The following BRF1 variants were observed in gnomAD, a reference collection of about 807,000 sequenced individuals.
BRF1 encodes the protein transcription factor IIIB 90 kDa subunit.
In BRF1, 59 loss-of-function variants were observed where a neutral mutation model predicts 81.7. The observed-to-expected ratio is 0.72, with a 90% CI of 0.59 to 0.90. BRF1 has a LOEUF of 0.90. Among genes scored for constraint, BRF1 ranks in the 40% least tolerant of loss-of-function variants. BRF1 has a pLI of 0.00. For synonymous variants in BRF1, 491 were observed against 395.6 expected (o/e 1.24, Z -2.86); for missense variants, 1,050 against 936.3 (o/e 1.12, Z -1.58).
chr14:105,249,121 C>G (rs747801688), intron 5 of BRF1: 180 of 1,510,856 alleles, frequency 1.2e-4, no homozygotes, highest in African/African-American at 2.9e-5. Flanking sequence ...CGCCCGCGCG[C>G]GCCCACGCCC....
intron 1 of BRF1, among the ~76,000 whole-genome samples, chr14:105,287,768 T>G (rs1308443190): frequency 6.6e-6 from 1 of 152,112 alleles, no homozygotes; most frequent in African/African-American, 2.4e-5. Context: ...CTTTAAAGAC[T>G]CCAGTAAAAT....
intron 5 of BRF1, chr14:105,250,674 G>T: frequency 6.2e-7 from 1 of 1,602,486 alleles, no homozygotes; most frequent in Non-Finnish European, 8.5e-7. Flanking sequence ...TATGCCTGAG[G>T]TGCCCGGGGA....
chr14:105,301,124 G>C (rs2058003216), upstream of BRF1: 1 of 152,626 alleles, frequency 6.6e-6, no homozygotes, highest in African/African-American at 2.4e-5. Context: ...TGCAGCCGGG[G>C]ACGGGACCCA....
At position 105,269,904 on chromosome 14, in the gene BRF1, T is replaced by C. The variant is rs1398768822; in HGVS notation, c.439+2817A>G. Among the ~76,000 whole-genome samples, 1 of 152,196 alleles carries C rather than the reference T, an allele frequency of 6.6e-6. No homozygotes were observed. Among genetic ancestry groups the C allele is most frequent in the Non-Finnish European group, 1.5e-5 (1 of 68,020 alleles). On this transcript the variant is annotated intron_variant, in intron 3 of 17. Coordinates refer to ENST00000547530, the MANE Select transcript of BRF1 (RefSeq NM_001519.4). This position sits in a 1 kb window ranked among gnomAD's most constrained non-coding sequence, Gnocchi z 5.0. ...TACAAACACAAGGGAGGCAGGGCCA[T>C]GGGCTGACCCTGGGCTCTGCTCAGC...
Position 105,288,176 on chromosome 14 carries a change from C to T in BRF1, c.185-1800G>A, listed in dbSNP as rs587700800. ...GGCTTTCAAGAAGCTGTAGAAGGTC[C>T]GGGCGCGGTGGCTCACGCTTGTAAT... On this transcript the variant is annotated intron_variant, in intron 1 of 17. Transcript: ENST00000547530. Among the ~76,000 whole-genome samples the T allele has an allele frequency of 5.1e-4, 78 of 152,300 alleles. No homozygotes were observed. The South Asian group carries it at 0.01, about 20-fold the overall frequency.
In BRF1 at chr14:105,284,292, T is replaced by A. The variant is rs185949882; in HGVS notation, c.265+2004A>T. Among the ~76,000 whole-genome samples the A allele has an allele frequency of 1.3e-5, 2 of 151,906 alleles. No homozygotes were observed. Among genetic ancestry groups the A allele is most frequent in the Admixed American group, 1.3e-4 (2 of 15,270 alleles). On this transcript the variant is annotated intron_variant, in intron 2 of 17. Coordinates refer to ENST00000547530, the MANE Select transcript of BRF1 (RefSeq NM_001519.4). This position sits in a 1 kb window ranked among gnomAD's most constrained non-coding sequence, Gnocchi z 4.0. ...GGAAGAAAGGCGCTGACTATACTCC[T>A]CTACTAGTAAGTCCACAGCAGGACA...
chr14:105,282,159 G>T (rs2057133506), intron 2 of BRF1, among the ~76,000 whole-genome samples: 1 of 152,186 alleles, frequency 6.6e-6, no homozygotes, highest in Non-Finnish European at 1.5e-5. Flanking sequence ...ATTCCATGGG[G>T]TGCCTGTCTC....
chr14:105,246,657 A>C (rs922824817), intron 5 of BRF1, among the ~76,000 whole-genome samples: 8 of 147,856 alleles, frequency 5.4e-5, no homozygotes. Context: ...GGGTTTCACC[A>C]TGTTGGCCAG....
rs1244917417 is a variant in BRF1, at chr14:105,226,222, A to G, written c.955+29T>C. ...AAATCAATTTTCCCAACAAAACAGA[A>G]GCATTACATGGGAAGATTGGTTGGT... On this transcript the variant is annotated intron_variant, in intron 9 of 17. Transcript: ENST00000547530. 10 of 1,614,060 alleles carry G rather than the reference A, an allele frequency of 6.2e-6. No individual in the cohort carries two copies. In the East Asian group the frequency reaches 1.6e-4, roughly 25 times the overall value.
At chr14:105,259,509 G>C (rs994974325) in intron 3 of BRF1, among the ~76,000 whole-genome samples, 1 of 152,208 alleles carries the variant, frequency 6.6e-6, no homozygotes, top group Non-Finnish European at 1.5e-5. Flanking sequence ...GCTTCATTCA[G>C]AACAGCCAAA....
chr14:105,261,992 C>A (rs1387706127), intron 3 of BRF1, among the ~76,000 whole-genome samples: 1 of 152,366 alleles, frequency 6.6e-6, no homozygotes, highest in East Asian at 1.9e-4. Context: ...GGCACGGGAA[C>A]ACACGGCCCG....
chr14:105,268,086 A>G (rs371706234), intron 3 of BRF1, among the ~76,000 whole-genome samples: 67 of 152,252 alleles, frequency 4.4e-4, no homozygotes, highest in Middle Eastern at 6.3e-3. Context: ...GACGCCCTCT[A>G]GGGCTCACCA....
Position 105,241,417 on chromosome 14 carries a change from G to A in BRF1, c.545-3C>T. The A allele has an allele frequency of 2.5e-6, 4 of 1,611,004 alleles. No homozygotes were observed. Among genetic ancestry groups the A allele is most frequent in the Non-Finnish European group, 3.4e-6 (4 of 1,179,878 alleles). On this transcript the variant is annotated splice_region_variant and splice_polypyrimidine_tract_variant and intron_variant, in intron 5 of 17. Transcript: ENST00000547530. Reference sequence around the variant, plus strand: ...GCGTGGAATATACAGGCACGGGTCTGCGGCAGACACAGCACCTCAGTGCCC... The same window carrying A: ...GCGTGGAATATACAGGCACGGGTCTACGGCAGACACAGCACCTCAGTGCCC...
At position 105,288,641 on chromosome 14, in the gene BRF1, T is replaced by C. The variant is rs185969143; in HGVS notation, c.185-2265A>G. ...CATTTCTTTCTTTCTTTCTTTCTTTTTTTTTTTTTTGAAACAGAGTTTCGC... is the reference window on the plus strand; with the variant it reads ...CATTTCTTTCTTTCTTTCTTTCTTTCTTTTTTTTTTGAAACAGAGTTTCGC... On this transcript the variant is annotated intron_variant, in intron 1 of 17. Transcript: ENST00000547530. Among the ~76,000 whole-genome samples, 833 of 145,738 alleles carry C rather than the reference T, an allele frequency of 5.7e-3. 8 individuals carry two copies. The highest frequency in any genetic ancestry group is 0.019 in the African/African-American group (783 of 40,370).
At chr14:105,248,568 C>A in intron 5 of BRF1, 1 of 203,498 alleles carries the variant, frequency 4.9e-6, no homozygotes, top group Non-Finnish European at 6.2e-6. Flanking sequence ...CGGGTACGGG[C>A]TCGGGCGGGC....
At chr14:105,290,416 T>C (rs969086343) in intron 1 of BRF1, among the ~76,000 whole-genome samples, 11 of 151,968 alleles carry the variant, frequency 7.2e-5, no homozygotes, top group Non-Finnish European at 4.4e-5. Context: ...CGAAACTCCA[T>C]CTCAAAAACA....
In BRF1 at chr14:105,216,621, C is replaced by T. The variant is rs867581784; in HGVS notation, c.1772+923G>A. On this transcript the variant is annotated intron_variant, in intron 15 of 17. Coordinates refer to ENST00000547530, the MANE Select transcript of BRF1 (RefSeq NM_001519.4). ...GGGCAGGGGCAGGGCCACAGCACAG[C>T]CAACTCTCGCGGGGTGCAGTGGCCA... 3.8e-4 allele frequency among the ~76,000 whole-genome samples: 58 copies of T among 152,338 alleles called. No individual in the cohort carries two copies. In the Middle Eastern group the frequency reaches 0.02, roughly 54 times the overall value.
At position 105,211,152 on chromosome 14, in the gene BRF1, C is replaced by G; in HGVS notation, c.1966G>C (p.Val656Leu). The G allele has an allele frequency of 5.6e-6, 9 of 1,612,640 alleles. No individual in the cohort carries two copies. Among genetic ancestry groups the G allele is most frequent in the Non-Finnish European group, 7.6e-6 (9 of 1,179,928 alleles). Residue 656 changes from valine to leucine, a missense_variant, in exon 17 of 18, where the codon GTC (valine) becomes CTC (leucine). Physicochemically the swap from Val to Leu is conservative, Grantham distance 32. Coordinates refer to ENST00000547530, the MANE Select transcript of BRF1 (RefSeq NM_001519.4). The part of the protein sequence containing the change: ...EPDEEDGEPC[V>L]SALQMMGSND... ...CTGCCCATCATCTGCAGGGCACTGA[C>G]GCAGGGCTCCCCGTCCTCCTCGTCA...
chr14:105,241,216 A>T, intron 6 of BRF1, 49 bp downstream of exon 6: 1 of 1,596,400 alleles, frequency 6.3e-7, no homozygotes, highest in East Asian at 2.2e-5. Context: ...GGAAAGTGTG[A>T]GGCCAGGACC....
Sources: gnomAD v4.1 joint callset for allele counts (sites outside exome capture counted in the v4.1 genomes callset) on GRCh38, gnomAD v4.1.1 for gene constraint, Gnocchi (gnomAD v3.1) non-coding constraint, MANE v1.5 for transcripts, NCBI Gene and HGNC (gene_info 2026-07-23, HGNC 2026-07-21) for gene names.